The following VAV3 variants were observed in gnomAD, a reference collection of about 807,000 sequenced individuals.
VAV3 encodes the protein guanine nucleotide exchange factor VAV3.
A neutral mutation model predicts 131.2 loss-of-function variants in VAV3; 94 were observed. That is an observed-to-expected ratio of 0.72 (90% CI 0.61 to 0.85). The LOEUF (loss-of-function observed/expected upper bound fraction) is 0.85, where lower values mean the gene tolerates loss of function less well. VAV3 is among the 40% of genes least tolerant of loss of function. The pLI, the probability that VAV3 is intolerant of heterozygous loss-of-function variation, is 0.00. For synonymous variants in VAV3, 349 were observed against 342.0 expected (o/e 1.02, Z -0.22); for missense variants, 939 against 1,002.7 (o/e 0.94, Z 0.86).
intron 2 of VAV3, among the ~76,000 whole-genome samples, chr1:107,864,272 G>A (rs966505365): frequency 2.0e-4 from 30 of 152,338 alleles, no homozygotes; most frequent in East Asian, 9.6e-4. Context: ...ACTGAAAGAG[G>A]TAGGATAGAA....
chr1:107,834,637 C>A (rs1668392993), intron 2 of VAV3, among the ~76,000 whole-genome samples: 1 of 151,324 alleles, frequency 6.6e-6, no homozygotes, highest in African/African-American at 2.4e-5. Context: ...CTAGATGCAG[C>A]CAGGAAGCCC....
rs184550929 is a variant in VAV3, at chr1:107,735,212, G to A, written c.1502+13756C>T. On this transcript the variant is annotated intron_variant, in intron 15 of 26. Transcript: ENST00000370056. ...CTCTGGGACACATTTAAAGCAGTGT[G>A]TAGAGGGAAATTTATAGCACTAAAT... Among the ~76,000 whole-genome samples, 759 of 152,332 alleles carry A rather than the reference G, an allele frequency of 5.0e-3. 6 individuals carry two copies. Among genetic ancestry groups the A allele is most frequent in the Non-Finnish European group, 5.3e-3 (358 of 68,030 alleles).
intron 15 of VAV3, among the ~76,000 whole-genome samples, chr1:107,721,733 G>GA (rs11462712): frequency 0.1 from 15,311 of 149,718 alleles, 946 homozygotes; most frequent in East Asian, 0.25. Flanking sequence ...TCCTGGGCCT[G>GA]AAAAAAAAAC....
At chr1:107,631,223 ATT>A (rs1189736834) in intron 20 of VAV3, among the ~76,000 whole-genome samples, 1 of 151,964 alleles carries the variant, frequency 6.6e-6, no homozygotes, top group Non-Finnish European at 1.5e-5. Context: ...TACTAAATGC[ATT>A]GTTATCATAA....
intron 19 of VAV3, among the ~76,000 whole-genome samples, chr1:107,643,724 A>G (rs1655523225): frequency 6.6e-6 from 1 of 152,178 alleles, no homozygotes; most frequent in Non-Finnish European, 1.5e-5. Context: ...CTAGATGTCC[A>G]AGTTACCTAG....
At chr1:107,576,117 C>T (rs1180469579) in intron 25 of VAV3, among the ~76,000 whole-genome samples, 1 of 152,006 alleles carries the variant, frequency 6.6e-6, no homozygotes, top group African/African-American at 2.4e-5. Flanking sequence ...TTTCATCCCC[C>T]TTTATACTTT....
intron 1 of VAV3, among the ~76,000 whole-genome samples, chr1:107,935,314 A>T (rs577305765): frequency 1.6e-4 from 25 of 152,350 alleles, no homozygotes; most frequent in African/African-American, 6.0e-4. Context: ...ACCTCTAGAA[A>T]GCCAGAGTTT....
chr1:107,886,969 T>C (rs1165598178), intron 1 of VAV3, among the ~76,000 whole-genome samples: 1 of 152,228 alleles, frequency 6.6e-6, no homozygotes, highest in African/African-American at 2.4e-5. Context: ...CTACCAATTG[T>C]ATTTCTATTC....
At chr1:107,754,370 G>GA (rs1310625523) in intron 12 of VAV3, among the ~76,000 whole-genome samples, 4 of 152,202 alleles carry the variant, frequency 2.6e-5, no homozygotes, top group African/African-American at 9.7e-5. Context: ...CTGCATGTGT[G>GA]AAAAGAAAGA....
At position 107,669,568 on chromosome 1, in the gene VAV3, T is replaced by A. The variant is rs181401371; in HGVS notation, c.1777+13920A>T. 4 of 1,198,452 alleles carry A rather than the reference T, an allele frequency of 3.3e-6. No individual in the cohort carries two copies. In the East Asian group the frequency reaches 2.5e-4, roughly 74 times the overall value. The allele number at this position is 1,198,452 out of a possible 1,614,324, so 74.2% of individuals were successfully genotyped here. On this transcript the variant is annotated intron_variant, in intron 19 of 26. Coordinates refer to ENST00000370056, the MANE Select transcript of VAV3 (RefSeq NM_006113.5). ...ATCTTTGATACTCGGTAGCTGATGG[T>A]TGTAAATAAAGGTAGACTAGAGCCT...
intron 9 of VAV3, among the ~76,000 whole-genome samples, chr1:107,763,459 A>G (rs1380519261): frequency 6.6e-6 from 1 of 152,222 alleles, no homozygotes; most frequent in Non-Finnish European, 1.5e-5. Flanking sequence ...GCACAATTTT[A>G]TATCTTTATT....
At chr1:107,662,681 C>T (rs1657109787) in intron 19 of VAV3, among the ~76,000 whole-genome samples, 1 of 152,174 alleles carries the variant, frequency 6.6e-6, no homozygotes, top group African/African-American at 2.4e-5. Context: ...AGAACATTTA[C>T]TAACCAAATG....
chr1:107,870,275 T>C (rs1557892576), intron 2 of VAV3, among the ~76,000 whole-genome samples: 1 of 152,306 alleles, frequency 6.6e-6, no homozygotes, highest in East Asian at 1.9e-4. Context: ...TGTTCCCTGA[T>C]CACTGCATCC....
At position 107,617,635 on chromosome 1, in the gene VAV3, A is replaced by G. The variant is rs776410397; in HGVS notation, c.1915-3T>C. On this transcript the variant is annotated splice_region_variant and splice_polypyrimidine_tract_variant and intron_variant, in intron 20 of 26. Coordinates refer to ENST00000370056, the MANE Select transcript of VAV3 (RefSeq NM_006113.5). ...TCTCCAGATGCTAAATTTCTGCCCT[A>G]AGGAAAAAAAAAAAATGCCAGTGTT... 1.3e-6 allele frequency: 2 copies of G among 1,589,612 alleles called. No homozygotes were observed. Among genetic ancestry groups the G allele is most frequent in the Non-Finnish European group, 1.7e-6 (2 of 1,168,288 alleles).
chr1:107,866,426 C>T (rs1669989190), intron 2 of VAV3, among the ~76,000 whole-genome samples: 1 of 151,998 alleles, frequency 6.6e-6, no homozygotes, highest in African/African-American at 2.4e-5. Flanking sequence ...GAGCTTGAAA[C>T]GATTCAAAAC....
At chr1:107,598,392 C>G (rs1047242603) in intron 24 of VAV3, among the ~76,000 whole-genome samples, 16 of 152,028 alleles carry the variant, frequency 1.1e-4, no homozygotes, top group Non-Finnish European at 1.9e-4. Context: ...AAAACACACA[C>G]ACAAAAAACA....
intron 1 of VAV3, among the ~76,000 whole-genome samples, chr1:107,913,984 G>A (rs113148790): frequency 0.014 from 2,148 of 152,110 alleles, 55 homozygotes; most frequent in African/African-American, 0.05. Flanking sequence ...TAGTAGAGAC[G>A]GGGTTTCACC....
chr1:107,931,767 TAAC>T (rs1169722193), intron 1 of VAV3, among the ~76,000 whole-genome samples: 3 of 152,118 alleles, frequency 2.0e-5, no homozygotes, highest in East Asian at 1.9e-4. Flanking sequence ...ATGCTGAGAG[TAAC>T]AACAACTAGC....
At chr1:107,770,992 A>C (rs1382363649) in intron 5 of VAV3, among the ~76,000 whole-genome samples, 1 of 152,204 alleles carries the variant, frequency 6.6e-6, no homozygotes, top group African/African-American at 2.4e-5. Flanking sequence ...AATGTTCATA[A>C]AGTTGGAAAC....
Sources: gnomAD v4.1 joint callset for allele counts (sites outside exome capture counted in the v4.1 genomes callset) on GRCh38, gnomAD v4.1.1 for gene constraint, MANE v1.5 for transcripts, NCBI Gene and HGNC (gene_info 2026-07-23, HGNC 2026-07-21) for gene names.